PIP5K1B: variants seen among roughly 807,000 people sequenced by gnomAD.
PIP5K1B encodes the protein phosphatidylinositol-4-phosphate 5-kinase type 1 beta.
Under a neutral mutation model 67.0 loss-of-function variants are expected in PIP5K1B, and 42 were observed. The ratio of observed to expected loss-of-function variants is 0.63; its 90% CI spans 0.49 to 0.81. The LOEUF is 0.81. Among genes scored for constraint, PIP5K1B ranks in the 30% least tolerant of loss-of-function variants. PIP5K1B has a pLI of 0.00. For synonymous variants in PIP5K1B, 214 were observed against 231.4 expected (o/e 0.92, Z 0.68); for missense variants, 459 against 646.3 (o/e 0.71, Z 3.14).
intron 4 of PIP5K1B, among the ~76,000 whole-genome samples, chr9:68,835,412 T>C (rs1440147520): frequency 6.6e-6 from 1 of 152,218 alleles, no homozygotes; most frequent in Non-Finnish European, 1.5e-5. Flanking sequence ...CATAGAAATA[T>C]TATAGTATGG....
chr9:68,841,808 A>G (rs1020513483), intron 4 of PIP5K1B, among the ~76,000 whole-genome samples: 1 of 152,222 alleles, frequency 6.6e-6, no homozygotes, highest in African/African-American at 2.4e-5. Flanking sequence ...TTAATTTAGA[A>G]AGAAGAAGGA....
intron 8 of PIP5K1B, among the ~76,000 whole-genome samples, chr9:68,899,558 G>A (rs1825261109): frequency 6.6e-6 from 1 of 152,184 alleles, no homozygotes; most frequent in Non-Finnish European, 1.5e-5. Context: ...TTTGGAGGAA[G>A]TATCCAGTTT....
intron 6 of PIP5K1B, among the ~76,000 whole-genome samples, chr9:68,885,447 G>A (rs1348381201): frequency 1.3e-5 from 2 of 152,186 alleles, no homozygotes; most frequent in African/African-American, 2.4e-5. Flanking sequence ...TTAAAAAGTG[G>A]ATTTTAAATA....
intron 14 of PIP5K1B, among the ~76,000 whole-genome samples, chr9:68,979,522 CTTTTT>C (rs1564288890): frequency 0.054 from 8,237 of 151,496 alleles, 584 homozygotes; most frequent in African/African-American, 0.15. Flanking sequence ...AGGAGGAACC[CTTTTT>C]ATATTTATAT....
intron 3 of PIP5K1B, among the ~76,000 whole-genome samples, chr9:68,821,866 C>T (rs891319092): frequency 6.6e-6 from 1 of 152,146 alleles, no homozygotes; most frequent in African/African-American, 2.4e-5. Context: ...GGTGTCCACA[C>T]AGTGGTATAT....
At chr9:68,751,738 G>A (rs758163116) in intron 2 of PIP5K1B, among the ~76,000 whole-genome samples, 1 of 152,200 alleles carries the variant, frequency 6.6e-6, no homozygotes, top group Non-Finnish European at 1.5e-5. Flanking sequence ...GCTTCATTGG[G>A]AAATGGTCAA....
At chr9:68,923,082 C>G (rs1313439432) in intron 11 of PIP5K1B, among the ~76,000 whole-genome samples, 1 of 152,126 alleles carries the variant, frequency 6.6e-6, no homozygotes, top group Non-Finnish European at 1.5e-5. Context: ...TCAGTTTGGT[C>G]TTGAGTGTCT....
At chr9:68,824,247 T>G (rs747255831) in intron 4 of PIP5K1B, 2 of 518,748 alleles carry the variant, frequency 3.9e-6, no homozygotes, top group Admixed American at 3.9e-5. Context: ...CAAGATGCAC[T>G]GAAATTCTTG....
intron 14 of PIP5K1B, among the ~76,000 whole-genome samples, chr9:68,990,746 C>T (rs1830325351): frequency 6.6e-6 from 1 of 151,738 alleles, no homozygotes; most frequent in Non-Finnish European, 1.5e-5. Flanking sequence ...TCACTGCAAC[C>T]TCCACCTCCT....
At chr9:68,763,895 GTAGA>G (rs1177104821) in intron 2 of PIP5K1B, among the ~76,000 whole-genome samples, 1 of 152,010 alleles carries the variant, frequency 6.6e-6, no homozygotes, top group Admixed American at 6.6e-5. Context: ...CAGAGTAAAT[GTAGA>G]TGAGTGCTTT....
intron 14 of PIP5K1B, among the ~76,000 whole-genome samples, chr9:68,982,200 A>T (rs140803686): frequency 6.6e-6 from 1 of 152,276 alleles, no homozygotes; most frequent in Non-Finnish European, 1.5e-5. Context: ...AATGGTGGGC[A>T]CTCTGACCTG....
chr9:68,979,770 C>A (rs977822827), intron 14 of PIP5K1B, among the ~76,000 whole-genome samples: 5 of 152,140 alleles, frequency 3.3e-5, no homozygotes, highest in African/African-American at 1.2e-4. Flanking sequence ...GTGCTCACTG[C>A]GGGGAGGGGA....
intron 14 of PIP5K1B, among the ~76,000 whole-genome samples, chr9:68,951,240 A>C (rs1828051574): frequency 6.6e-6 from 1 of 152,258 alleles, no homozygotes. Flanking sequence ...CAAATAACTT[A>C]AAAATGACCA....
At chr9:68,989,101 A>AAAAG (rs1830243274) in intron 14 of PIP5K1B, among the ~76,000 whole-genome samples, 3 of 149,962 alleles carry the variant, frequency 2.0e-5, no homozygotes, top group Non-Finnish European at 3.0e-5. Context: ...TCTCAAAAAA[A>AAAAG]AAAAAAAAAA....
chr9:68,840,304 G>A (rs1821851152), intron 4 of PIP5K1B, among the ~76,000 whole-genome samples: 1 of 151,894 alleles, frequency 6.6e-6, no homozygotes, highest in South Asian at 2.1e-4. Context: ...TTGAACCCAG[G>A]AGGCGGAGGT....
At chr9:68,731,168 G>A (rs1828411435) in intron 1 of PIP5K1B, among the ~76,000 whole-genome samples, 1 of 152,248 alleles carries the variant, frequency 6.6e-6, no homozygotes, top group African/African-American at 2.4e-5. Context: ...GGCTGTTCTA[G>A]AACGCTTGAT....
chr9:68,828,759 G>A (rs531705135), intron 4 of PIP5K1B, among the ~76,000 whole-genome samples: 2 of 152,298 alleles, frequency 1.3e-5, no homozygotes, highest in South Asian at 4.2e-4. Flanking sequence ...GTCCTTAGTT[G>A]GTGGGAAACT....
At chr9:68,914,449 C>T (rs1333772919) in intron 8 of PIP5K1B, among the ~76,000 whole-genome samples, 2 of 152,208 alleles carry the variant, frequency 1.3e-5, no homozygotes, top group African/African-American at 4.8e-5. Flanking sequence ...GGCACAGTGG[C>T]TCACGCCTGT....
At chr9:68,968,940 G>C (rs546500094) in intron 14 of PIP5K1B, among the ~76,000 whole-genome samples, 2 of 152,206 alleles carry the variant, frequency 1.3e-5, no homozygotes, top group South Asian at 4.1e-4. Flanking sequence ...CATTGTAAGG[G>C]AGGTTATATA....
Sources: gnomAD v4.1 joint callset for allele counts (sites outside exome capture counted in the v4.1 genomes callset) on GRCh38, gnomAD v4.1.1 for gene constraint, MANE v1.5 for transcripts, NCBI Gene and HGNC (gene_info 2026-07-23, HGNC 2026-07-21) for gene names.